Variants in FMN2 observed in about 807,000 individuals in gnomAD.
The protein encoded by FMN2 is formin-2.
Under a neutral mutation model 142.3 loss-of-function variants are expected in FMN2, and 51 were observed. The ratio of observed to expected loss-of-function variants is 0.36; its 90% CI spans 0.29 to 0.45. The LOEUF (loss-of-function observed/expected upper bound fraction) is 0.45, where lower values mean the gene tolerates loss of function less well. Ranked by LOEUF, FMN2 falls within the 20% of genes least tolerant of loss-of-function variation. FMN2 has a pLI of 1.00. For missense variants in FMN2, 1,936 were observed against 2,122.8 expected, an observed-to-expected ratio of 0.91 and a Z score of 1.73; for synonymous variants, 882 against 869.8, an observed-to-expected ratio of 1.01 and a Z score of -0.25.
intron 8 of FMN2, among the ~76,000 whole-genome samples, chr1:240,326,006 A>T (rs906454095): frequency 6.6e-6 from 1 of 152,214 alleles, no homozygotes; most frequent in African/African-American, 2.4e-5. Context: ...TTGTGACCCC[A>T]GAGGCTCACA....
chr1:240,098,695 C>T (rs80145991), intron 1 of FMN2, among the ~76,000 whole-genome samples: 9,679 of 152,228 alleles, frequency 0.064, 421 homozygotes, highest in South Asian at 0.15. Context: ...GAACACTGAT[C>T]TTCAATCATT....
Position 240,472,442 on chromosome 1 carries a change from G to T in FMN2, c.5131G>T (p.Asp1711Tyr). 1 of 1,605,964 alleles carries T rather than the reference G, an allele frequency of 6.2e-7. No individual in the cohort carries two copies. Among genetic ancestry groups the T allele is most frequent in the South Asian group, 1.1e-5 (1 of 89,268 alleles). Reference sequence around the variant, plus strand: ...ACTTTATAAAATAAAACCAAGACATGACTCTGGAATTGTAAGTATTACTGA... The same window carrying T: ...ACTTTATAAAATAAAACCAAGACATTACTCTGGAATTGTAAGTATTACTGA... Reference protein sequence around the residue: ...KSLYKIKPRHDSGIKAKISMK... With the variant: ...KSLYKIKPRHYSGIKAKISMK... Residue 1711 changes from aspartate to tyrosine, a missense_variant, in exon 17 of 18, where the codon GAC (aspartate) becomes TAC (tyrosine). Around this residue, in one of 8 missense-constraint regions of FMN2, gnomAD observed 322 missense variants for 401.6 expected, o/e 0.80. Coordinates refer to ENST00000319653, the MANE Select transcript of FMN2 (RefSeq NM_020066.5).
chr1:240,457,118 T>TA (rs1289594913), intron 16 of FMN2, among the ~76,000 whole-genome samples: 1 of 152,132 alleles, frequency 6.6e-6, no homozygotes, highest in African/African-American at 2.4e-5. Flanking sequence ...CCTCTCAACT[T>TA]ACCACTTCCC....
chr1:240,358,683 T>A (rs2103050814), intron 14 of FMN2, among the ~76,000 whole-genome samples: 1 of 152,148 alleles, frequency 6.6e-6, no homozygotes, highest in East Asian at 1.9e-4. Context: ...TTAGATCTCG[T>A]GAGAACTCAC....
intron 1 of FMN2, 135 bp from the exon 2 acceptor site, chr1:240,123,044 G>A (rs143123577): frequency 3.3e-6 from 3 of 902,894 alleles, no homozygotes; most frequent in East Asian, 2.6e-5. Context: ...AGCTTGAGAG[G>A]CTCCTTTCTG....
At chr1:240,390,720 G>A (rs1385064694) in intron 14 of FMN2, among the ~76,000 whole-genome samples, 1 of 152,204 alleles carries the variant, frequency 6.6e-6, no homozygotes, top group Non-Finnish European at 1.5e-5. Flanking sequence ...CATGTTAACA[G>A]ATGAATCTGC....
chr1:240,117,140 C>A (rs1212375923), intron 1 of FMN2, among the ~76,000 whole-genome samples: 1 of 152,160 alleles, frequency 6.6e-6, no homozygotes, highest in African/African-American at 2.4e-5. Flanking sequence ...TTGTTTGTCA[C>A]AGGGCCTCTT....
chr1:240,433,388 T>TCTC (rs1675246981), intron 15 of FMN2, among the ~76,000 whole-genome samples: 2 of 152,220 alleles, frequency 1.3e-5, no homozygotes, highest in Non-Finnish European at 2.9e-5. Flanking sequence ...GGAAAACATT[T>TCTC]CTAACTTTAG....
intron 2 of FMN2, among the ~76,000 whole-genome samples, chr1:240,167,522 AT>A (rs796257248): frequency 3.9e-5 from 6 of 152,144 alleles, no homozygotes; most frequent in African/African-American, 1.4e-4. Context: ...ATTCTTTTAC[AT>A]TTGTCATTTT....
chr1:240,205,891 CTTTTTTTTTT>C (rs57803350), intron 4 of FMN2, among the ~76,000 whole-genome samples: 2 of 120,574 alleles, frequency 1.7e-5, no homozygotes, highest in African/African-American at 3.2e-5. Flanking sequence ...TATCAGCCAT[CTTTTTTTTTT>C]TTTTTTTTTT....
rs112372492 is a variant in FMN2 at position 240,178,686 on chromosome 1, G to A, written c.1930+618G>A. 4.8e-3 allele frequency among the ~76,000 whole-genome samples: 732 copies of A among 151,906 alleles called. 5 individuals carry two copies. The highest frequency in any genetic ancestry group is 0.017 in the African/African-American group (709 of 41,444). On this transcript the variant is annotated intron_variant, in intron 3 of 17. Transcript: ENST00000319653. ...TGGGCTCAAGCAGTTCTCCTACCTC[G>A]GTCTCCTAAAGTGCTGGAATTACAG...
In FMN2 at chr1:240,092,892, G is replaced by A. The variant is rs1363027146; in HGVS notation, c.783G>A (p.Gly261=). Residue 261 remains glycine (G), a synonymous_variant, in exon 1 of 18, where the codon GGG becomes GGA. Coordinates refer to ENST00000319653, the MANE Select transcript of FMN2 (RefSeq NM_020066.5). ...RFLLGPSGGA[G]EAPGSPDTEQ... is the part of the protein sequence containing the mutation. The stretch of plus-strand genomic sequence containing the variant: ...TGCTGGGGCCGAGCGGCGGGGCTGG[G>A]GAGGCCCCGGGCAGTCCGGACACCG... 2.0e-6 allele frequency: 3 copies of A among 1,513,720 alleles called. No individual in the cohort carries two copies. Among genetic ancestry groups the A allele is most frequent in the Non-Finnish European group, 8.8e-7 (1 of 1,137,888 alleles). 93.8% of individuals were successfully genotyped at this position (1,513,720 alleles called of 1,614,324 possible).
intron 16 of FMN2, among the ~76,000 whole-genome samples, chr1:240,455,319 C>A (rs1250384524): frequency 1.3e-5 from 2 of 151,964 alleles, no homozygotes; most frequent in African/African-American, 4.8e-5. Flanking sequence ...TCCAGACCAG[C>A]CTAGAAAACA....
chr1:240,406,409 C>A (rs1484918426), intron 15 of FMN2, among the ~76,000 whole-genome samples: 1 of 152,092 alleles, frequency 6.6e-6, no homozygotes, highest in African/African-American at 2.4e-5. Flanking sequence ...GATGCAAGCA[C>A]AGAATCTCCC....
intron 16 of FMN2, among the ~76,000 whole-genome samples, chr1:240,453,116 CAG>C (rs1471436069): frequency 1.3e-5 from 2 of 152,146 alleles, no homozygotes; most frequent in Non-Finnish European, 1.5e-5. Flanking sequence ...AAAGGAGACA[CAG>C]AGTATAAAAC....
At chr1:240,208,820 T>A (rs1666561885) in intron 5 of FMN2, 88 bp downstream of exon 5, 8 of 1,475,490 alleles carry the variant, frequency 5.4e-6, no homozygotes, top group Non-Finnish European at 7.3e-6. Flanking sequence ...TACTGTTGAA[T>A]GTATTTTTAA....
At chr1:240,460,187 A>G (rs980036438) in intron 16 of FMN2, among the ~76,000 whole-genome samples, 3 of 152,220 alleles carry the variant, frequency 2.0e-5, no homozygotes, top group Admixed American at 6.5e-5. Context: ...AATTTATCCA[A>G]TTATTCAATA....
At chr1:240,366,473 A>G (rs1046693233) in intron 14 of FMN2, among the ~76,000 whole-genome samples, 6 of 149,574 alleles carry the variant, frequency 4.0e-5, no homozygotes, top group African/African-American at 1.5e-4. Context: ...ATGTGGTTCT[A>G]TTTCATTAAT....
intron 2 of FMN2, among the ~76,000 whole-genome samples, 172 bp downstream of exon 2, chr1:240,123,517 A>AG (rs1662374850): frequency 2.0e-5 from 3 of 150,902 alleles, no homozygotes; most frequent in African/African-American, 4.9e-5. Flanking sequence ...AAAAAAAAAA[A>AG]AAAAAGAAAG....
Sources: gnomAD v4.1 joint callset for allele counts (sites outside exome capture counted in the v4.1 genomes callset) on GRCh38, gnomAD v4.1.1 for gene constraint, gnomAD v4.1.1 regional missense constraint, MANE v1.5 for transcripts, NCBI Gene and HGNC (gene_info 2026-07-23, HGNC 2026-07-21) for gene names.